TMEM38B: variants seen among roughly 807,000 people sequenced by gnomAD.
TMEM38B encodes the protein trimeric intracellular cation channel type B.
In TMEM38B, 24 loss-of-function variants were observed where a neutral mutation model predicts 28.7. The observed-to-expected ratio is 0.84, with a 90% CI of 0.61 to 1.18. The LOEUF (loss-of-function observed/expected upper bound fraction) is 1.18, where lower values mean the gene tolerates loss of function less well. Among genes scored for constraint, TMEM38B ranks in the 50% most tolerant of loss-of-function variants. TMEM38B has a pLI of 0.00. For synonymous variants in TMEM38B, 131 were observed against 127.7 expected (o/e 1.03, Z -0.17); for missense variants, 380 against 350.9 (o/e 1.08, Z -0.66).
intron 4 of TMEM38B, among the ~76,000 whole-genome samples, chr9:105,736,429 G>A (rs1836982835): frequency 6.6e-6 from 1 of 151,342 alleles, no homozygotes; most frequent in South Asian, 2.1e-4. Context: ...GGATTCTTCA[G>A]CTCCAAGATT....
chr9:105,719,290 G>T (rs1836234470), intron 2 of TMEM38B, among the ~76,000 whole-genome samples: 1 of 152,018 alleles, frequency 6.6e-6, no homozygotes, highest in Non-Finnish European at 1.5e-5. Flanking sequence ...GAAGTCAGTT[G>T]TTTTCTCATT....
At chr9:105,748,273 A>C in intron 5 of TMEM38B, 83 bp downstream of exon 5, 1 of 937,060 alleles carries the variant, frequency 1.1e-6, no homozygotes, top group Non-Finnish European at 1.7e-6. Flanking sequence ...TGGGCAAGTA[A>C]GAGGAACATT....
At chr9:105,748,605 T>G (rs150106933) in intron 5 of TMEM38B, among the ~76,000 whole-genome samples, 2 of 152,348 alleles carry the variant, frequency 1.3e-5, no homozygotes, top group African/African-American at 2.4e-5. Flanking sequence ...CTATTACTAT[T>G]GCCTGGTTGG....
intron 2 of TMEM38B, among the ~76,000 whole-genome samples, chr9:105,711,540 C>A (rs1382944656): frequency 6.6e-6 from 1 of 151,546 alleles, no homozygotes; most frequent in African/African-American, 2.4e-5. Flanking sequence ...GTAACCACTA[C>A]CCAAATCAAG....
chr9:105,733,763 T>G (rs1836862668), intron 4 of TMEM38B, among the ~76,000 whole-genome samples: 1 of 152,112 alleles, frequency 6.6e-6, no homozygotes, highest in South Asian at 2.1e-4. Flanking sequence ...ATATAATTGT[T>G]CATAGTAGTT....
At chr9:105,733,321 G>C (rs1394771581) in intron 4 of TMEM38B, among the ~76,000 whole-genome samples, 3 of 151,926 alleles carry the variant, frequency 2.0e-5, no homozygotes, top group Non-Finnish European at 2.9e-5. Context: ...ACACCTAGGT[G>C]GTTCTCCATC....
At chr9:105,751,102 G>A (rs559906821) in intron 5 of TMEM38B, among the ~76,000 whole-genome samples, 46 of 152,334 alleles carry the variant, frequency 3.0e-4, no homozygotes, top group East Asian at 2.7e-3. Flanking sequence ...TGGCTGATTA[G>A]AAGCAGCTGT....
rs373346738 is a variant in TMEM38B, at chr9:105,701,307, A to AC, written c.113-4287dup. 1.2e-3 allele frequency: 184 copies of AC among 152,264 alleles called. 1 individual carries two copies. The highest frequency in any genetic ancestry group is 4.2e-3 in the African/African-American group (174 of 41,548). 9.4% of individuals were successfully genotyped at this position (152,264 alleles called of 1,614,324 possible). A position where few individuals can be genotyped will look rare whatever the true frequency, so the allele number is the denominator to read the frequency against. ...GTACTTGCTACTTGCCAGTCTTCAGACCCGGTCAGTGTAATGTCATCAGTG... is the reference window on the plus strand; with the variant it reads ...GTACTTGCTACTTGCCAGTCTTCAGACCCCGGTCAGTGTAATGTCATCAGTG... On this transcript the variant is annotated intron_variant, in intron 1 of 5. Transcript: ENST00000374692.
intron 4 of TMEM38B, among the ~76,000 whole-genome samples, chr9:105,738,974 A>G (rs1837086835): frequency 6.6e-6 from 1 of 152,018 alleles, no homozygotes; most frequent in Non-Finnish European, 1.5e-5. Flanking sequence ...ACTCCTGCCT[A>G]GTCTCCCAAA....
intron 5 of TMEM38B, chr9:105,760,903 A>G (rs970781044): frequency 1.5e-5 from 8 of 533,794 alleles, no homozygotes; most frequent in African/African-American, 3.9e-5. Context: ...TTGTTTATCA[A>G]TGTGAGACTC....
chr9:105,749,039 A>T, intron 5 of TMEM38B: 1 of 1,292,874 alleles, frequency 7.7e-7, no homozygotes, highest in Non-Finnish European at 1.0e-6. Flanking sequence ...TCTTAGAATG[A>T]AGTCACTGTG....
intron 5 of TMEM38B, chr9:105,749,132 A>G: frequency 7.7e-7 from 1 of 1,301,656 alleles, no homozygotes; most frequent in African/African-American, 1.5e-5. Flanking sequence ...TTGGAGGCAA[A>G]ATCTCTTCAC....
chr9:105,726,003 G>C (rs950584047), intron 4 of TMEM38B, among the ~76,000 whole-genome samples: 2 of 151,520 alleles, frequency 1.3e-5, no homozygotes, highest in Non-Finnish European at 2.9e-5. Flanking sequence ...AAATTTTTAA[G>C]TATTATGGGT....
At chr9:105,739,391 G>A (rs2133604060) in intron 4 of TMEM38B, among the ~76,000 whole-genome samples, 1 of 150,964 alleles carries the variant, frequency 6.6e-6, no homozygotes, top group Non-Finnish European at 1.5e-5. Context: ...AAAATCCTAG[G>A]TAATTTTTTC....
intron 5 of TMEM38B, among the ~76,000 whole-genome samples, chr9:105,753,384 A>G (rs1837727349): frequency 6.6e-6 from 1 of 152,160 alleles, no homozygotes; most frequent in African/African-American, 2.4e-5. Flanking sequence ...CAAGGTCGAA[A>G]TGAAAGAAAA....
intron 4 of TMEM38B, among the ~76,000 whole-genome samples, chr9:105,742,005 C>G (rs189138269): frequency 6.6e-6 from 1 of 152,308 alleles, no homozygotes; most frequent in East Asian, 1.9e-4. Flanking sequence ...GGAAGACTCT[C>G]TTTGCCTAGT....
rs1024061457 is a variant in TMEM38B at position 105,754,892 on chromosome 9, CAG to C, written c.660+6706_660+6707del. On this transcript the variant is annotated intron_variant, in intron 5 of 5. Coordinates refer to ENST00000374692, the MANE Select transcript of TMEM38B (RefSeq NM_018112.3). ...TACTAGCTAGACTAATAAAGAAAAA[CAG>C]AGAAGAATCAAATAAACACAATCAG... Among the ~76,000 whole-genome samples, 135 of 152,116 alleles carry C rather than the reference CAG, an allele frequency of 8.9e-4. 1 individual carries two copies. The highest frequency in any genetic ancestry group is 3.2e-3 in the African/African-American group (133 of 41,504).
At chr9:105,702,858 T>C (rs1835506897) in intron 1 of TMEM38B, 1 of 151,974 alleles carries the variant, frequency 6.6e-6, no homozygotes, top group East Asian at 1.9e-4. Flanking sequence ...TTTTTATATT[T>C]TGTGGAGATG....
chr9:105,706,401 C>T (rs753695151), intron 2 of TMEM38B, among the ~76,000 whole-genome samples: 20 of 152,128 alleles, frequency 1.3e-4, no homozygotes, highest in Non-Finnish European at 2.1e-4. Flanking sequence ...GACCAGTATG[C>T]GTGAATACAG....
Sources: gnomAD v4.1 joint callset for allele counts (sites outside exome capture counted in the v4.1 genomes callset) on GRCh38, gnomAD v4.1.1 for gene constraint, MANE v1.5 for transcripts, NCBI Gene and HGNC (gene_info 2026-07-23, HGNC 2026-07-21) for gene names.